SEMA5A: variants seen among roughly 807,000 people sequenced by gnomAD.
The protein encoded by SEMA5A is semaphorin-5A.
SEMA5A carries 55 observed loss-of-function variants against 135.5 expected under a neutral mutation model. The ratio of observed to expected loss-of-function variants is 0.41; its 90% CI spans 0.33 to 0.51. The LOEUF is 0.51. SEMA5A is among the 20% of genes least tolerant of loss of function. The probability of loss-of-function intolerance (pLI) is 0.37; values close to 1 mark genes in which losing one functional copy is unlikely to be tolerated. For synonymous variants in SEMA5A, 580 were observed against 546.5 expected (o/e 1.06, Z -0.85); for missense variants, 1,290 against 1,419.9 (o/e 0.91, Z 1.47).
intron 1 of SEMA5A, among the ~76,000 whole-genome samples, chr5:9,529,613 A>G (rs904971062): frequency 4.6e-5 from 7 of 152,254 alleles, no homozygotes; most frequent in Non-Finnish European, 7.3e-5. Flanking sequence ...GTATTAAGAC[A>G]TCTACTAAAC....
intron 1 of SEMA5A, among the ~76,000 whole-genome samples, chr5:9,520,961 C>G (rs144854947): frequency 6.6e-6 from 1 of 152,270 alleles, no homozygotes; most frequent in East Asian, 1.9e-4. Flanking sequence ...TAGAGCGTGG[C>G]CTTCAGTGAG....
chr5:9,462,427 T>C (rs1759091728), intron 1 of SEMA5A, among the ~76,000 whole-genome samples: 1 of 152,102 alleles, frequency 6.6e-6, no homozygotes, highest in Non-Finnish European at 1.5e-5. Flanking sequence ...ATTCCCCAAA[T>C]AGCTAAAAAC....
intron 11 of SEMA5A, among the ~76,000 whole-genome samples, chr5:9,162,988 A>T (rs1040326859): frequency 6.6e-6 from 1 of 152,192 alleles, no homozygotes; most frequent in Non-Finnish European, 1.5e-5. Context: ...ATGGTGCCTC[A>T]GTAATAGTAT....
At chr5:9,459,118 T>TA (rs1256721162) in intron 1 of SEMA5A, among the ~76,000 whole-genome samples, 2 of 152,128 alleles carry the variant, frequency 1.3e-5, no homozygotes, top group African/African-American at 2.4e-5. Context: ...CTCAACTTTT[T>TA]AAAAAAAGTC....
chr5:9,057,121 G>C (rs1044042073), intron 18 of SEMA5A, among the ~76,000 whole-genome samples: 1 of 152,168 alleles, frequency 6.6e-6, no homozygotes, highest in Non-Finnish European at 1.5e-5. Flanking sequence ...CCAGGGACTG[G>C]GGGAGAGGGA....
intron 5 of SEMA5A, among the ~76,000 whole-genome samples, chr5:9,290,210 C>T (rs1350397129): frequency 6.6e-6 from 1 of 152,244 alleles, no homozygotes; most frequent in East Asian, 1.9e-4. Context: ...CCCCTCCCAC[C>T]CTTTCCTCTT....
chr5:9,238,691 AC>A (rs1018769807), intron 5 of SEMA5A, among the ~76,000 whole-genome samples: 11 of 149,866 alleles, frequency 7.3e-5, no homozygotes, highest in African/African-American at 2.2e-4. Context: ...AAATTGAGGC[AC>A]CTGGGCTTTT....
intron 3 of SEMA5A, among the ~76,000 whole-genome samples, chr5:9,372,852 C>T (rs928031245): frequency 6.6e-6 from 1 of 152,228 alleles, no homozygotes; most frequent in Non-Finnish European, 1.5e-5. Context: ...TCCAGCATGC[C>T]TTCATTTTCT....
intron 1 of SEMA5A, among the ~76,000 whole-genome samples, chr5:9,519,115 C>A (rs187028293): frequency 1.3e-5 from 2 of 152,256 alleles, no homozygotes; most frequent in Admixed American, 1.3e-4. Flanking sequence ...TTCTTCCTTT[C>A]TCTGTAAAAC....
rs1736151361 is a variant in SEMA5A at position 9,044,647 on chromosome 5, G to A, written c.2894-63C>T. ...AGAACATCCTGCCTAGCTACTCAAA[G>A]CACTAGGATGAAAAGAGAAAGTCAA... On this transcript the variant is annotated intron_variant, in intron 21 of 22. Coordinates refer to ENST00000382496, the MANE Select transcript of SEMA5A (RefSeq NM_003966.3). The A allele has an allele frequency of 2.2e-6, 3 of 1,356,346 alleles. No individual in the cohort carries two copies. In the Admixed American group the frequency reaches 5.2e-5, roughly 24 times the overall value. The allele number at this position is 1,356,346 out of a possible 1,614,324, so 84.0% of individuals were successfully genotyped here.
At chr5:9,381,161 A>G (rs1171966450) in intron 2 of SEMA5A, among the ~76,000 whole-genome samples, 9 of 152,212 alleles carry the variant, frequency 5.9e-5, no homozygotes, top group African/African-American at 2.2e-4. Flanking sequence ...AGATCTTATT[A>G]ATATTAATAA....
At chr5:9,418,535 C>A (rs1416722184) in intron 2 of SEMA5A, among the ~76,000 whole-genome samples, 1 of 152,192 alleles carries the variant, frequency 6.6e-6, no homozygotes, top group Admixed American at 6.5e-5. Context: ...TCCTCAGCCC[C>A]CTCCCATGAT....
At chr5:9,092,637 T>C (rs1739097044) in intron 16 of SEMA5A, among the ~76,000 whole-genome samples, 1 of 152,146 alleles carries the variant, frequency 6.6e-6, no homozygotes, top group Non-Finnish European at 1.5e-5. Context: ...CATAAGCAAA[T>C]ATCATGGAAA....
At position 9,038,277 on chromosome 5, in the gene SEMA5A, C is replaced by T. The variant is rs2150011998; in HGVS notation, c.*4620G>A. The stretch of plus-strand genomic sequence containing the variant: ...GGTGTGGGGCTTAAGCACAGCCCTG[C>T]CATGTGGAAAATGGTTATGCAGTCG... On this transcript the variant is annotated 3_prime_UTR_variant, in exon 23 of 23. Transcript: ENST00000382496. The T allele has an allele frequency of 6.6e-6, 1 of 152,274 alleles. No homozygotes were observed. The highest frequency in any genetic ancestry group is 2.4e-5 in the African/African-American group (1 of 41,566). 9.4% of individuals were successfully genotyped at this position (152,274 alleles called of 1,614,324 possible).
chr5:9,280,775 A>G, intron 5 of SEMA5A: 1 of 421,090 alleles, frequency 2.4e-6, no homozygotes, highest in Non-Finnish European at 4.7e-6. Flanking sequence ...ATCACTGACA[A>G]CAGCAATACT....
intron 12 of SEMA5A, among the ~76,000 whole-genome samples, chr5:9,152,300 G>C (rs1742675598): frequency 6.6e-6 from 1 of 152,112 alleles, no homozygotes; most frequent in Non-Finnish European, 1.5e-5. Context: ...ATATATTCCA[G>C]CTATGACATC....
At chr5:9,435,143 A>G (rs777124559) in intron 2 of SEMA5A, among the ~76,000 whole-genome samples, 1 of 152,194 alleles carries the variant, frequency 6.6e-6, no homozygotes, top group Non-Finnish European at 1.5e-5. Context: ...ATCTTTGCTC[A>G]TAATAAAAGA....
intron 5 of SEMA5A, among the ~76,000 whole-genome samples, chr5:9,258,933 G>A (rs896235723): frequency 1.4e-5 from 2 of 142,448 alleles, no homozygotes; most frequent in African/African-American, 5.2e-5. Context: ...AGCAATTCTC[G>A]TGCCTCAGCC....
chr5:9,211,092 C>A (rs1370311647), intron 8 of SEMA5A, among the ~76,000 whole-genome samples: 1 of 152,212 alleles, frequency 6.6e-6, no homozygotes, highest in Non-Finnish European at 1.5e-5. Context: ...AAGGGCATCT[C>A]ATTGTGCTGT....
Sources: allele counts gnomAD v4.1 joint callset (sites outside exome capture counted in the v4.1 genomes callset), GRCh38; gene constraint gnomAD v4.1.1; transcripts MANE v1.5; gene names NCBI Gene and HGNC (gene_info 2026-07-23, HGNC 2026-07-21).